FHDC1: variants seen among roughly 807,000 people sequenced by gnomAD.
FHDC1 encodes FH2 domain-containing protein 1.
A neutral mutation model predicts 52.6 loss-of-function variants in FHDC1; 25 were observed. The ratio of observed to expected loss-of-function variants is 0.48; its 90% CI spans 0.35 to 0.66. FHDC1 has a LOEUF of 0.66. Among genes scored for constraint, FHDC1 ranks in the 30% least tolerant of loss-of-function variants. The pLI, the probability that FHDC1 is intolerant of heterozygous loss-of-function variation, is 0.01. For synonymous variants in FHDC1, 616 were observed against 581.5 expected, an observed-to-expected ratio of 1.06 and a Z score of -0.85; for missense variants, 1,459 against 1,452.8, an observed-to-expected ratio of 1.00 and a Z score of -0.07.
rs1353921917 is a variant in FHDC1, at chr4:152,976,034, G to T, written c.2743G>T (p.Ala915Ser). 26 of 1,564,862 alleles carry T rather than the reference G, an allele frequency of 1.7e-5. No homozygotes were observed. In the East Asian group the frequency reaches 2.5e-4, roughly 15 times the overall value. ...VMPITKSSRG[A>S]GWRRPELSSR... ...GCCCATCACCAAGTCCAGCAGAGGCGCCGGCTGGAGGCGACCAGAGCTGTC... is the reference window on the plus strand; with the variant it reads ...GCCCATCACCAAGTCCAGCAGAGGCTCCGGCTGGAGGCGACCAGAGCTGTC... Residue 915 changes from alanine to serine, a missense_variant, in exon 12 of 12, where the codon GCC becomes TCC. Around this residue, in one of 3 missense-constraint regions of FHDC1, gnomAD observed 939 missense variants for 854.5 expected, o/e 1.10. Coordinates refer to ENST00000511601, the MANE Select transcript of FHDC1 (RefSeq NM_001371116.1).
In FHDC1 at chr4:152,977,643, G is replaced by A. The variant is rs1740940312; in HGVS notation, c.*920G>A. The A allele has an allele frequency of 6.6e-6, 1 of 151,596 alleles. No individual in the cohort carries two copies. Among genetic ancestry groups the A allele is most frequent in the Non-Finnish European group, 1.5e-5 (1 of 67,944 alleles). 9.4% of individuals were successfully genotyped at this position (151,596 alleles called of 1,614,324 possible). ...TTTTAATTTATCTTTTGTAGAGATG[G>A]GATCTCACTATGTTGCTCAGGCTGA... On this transcript the variant is annotated 3_prime_UTR_variant, in exon 12 of 12. Coordinates refer to ENST00000511601, the MANE Select transcript of FHDC1 (RefSeq NM_001371116.1).
At chr4:152,961,779 G>T (rs1231763375) in intron 6 of FHDC1, among the ~76,000 whole-genome samples, 3 of 152,174 alleles carry the variant, frequency 2.0e-5, no homozygotes, top group African/African-American at 7.2e-5. Flanking sequence ...CTTCATTTTA[G>T]AGAGGAGACT....
chr4:152,954,509 G>A (rs751027641), intron 4 of FHDC1, among the ~76,000 whole-genome samples, 190 bp downstream of exon 4: 1 of 151,976 alleles, frequency 6.6e-6, no homozygotes, highest in Non-Finnish European at 1.5e-5. Context: ...CAACATGATG[G>A]AACTCTGTCT....
In FHDC1 at chr4:152,975,932, C is replaced by G; in HGVS notation, c.2641C>G (p.Arg881Gly). 6.6e-7 allele frequency: 1 copy of G among 1,513,916 alleles called. No individual in the cohort carries two copies. The highest frequency in any genetic ancestry group is 8.8e-7 in the Non-Finnish European group (1 of 1,133,454). The allele number at this position is 1,513,916 out of a possible 1,614,324, so 93.8% of individuals were successfully genotyped here. A position where few individuals can be genotyped will look rare whatever the true frequency, so the allele number is the denominator to read the frequency against. The change falls in exon 12 of 12, where the codon CGG becomes GGG. Residue 881 changes from arginine to glycine, a missense_variant. By Grantham distance (125) the Arg-to-Gly change is moderately radical. This residue lies in a region of FHDC1 where 939 missense variants were observed against 854.5 expected (regional missense o/e 1.10). Coordinates refer to ENST00000511601, the MANE Select transcript of FHDC1 (RefSeq NM_001371116.1). ...CGGGGCCTCCAAGCCCGGGAGCGCC[C>G]GGCGGAGCCAGGGGGCAGTGGCCAA... Reference protein sequence around the residue: ...SPGASKPGSARRSQGAVAKSV... With the variant: ...SPGASKPGSAGRSQGAVAKSV...
At position 152,936,949 on chromosome 4, in the gene FHDC1, G is replaced by T. The variant is rs558306752; in HGVS notation, c.-131+540G>T. 2.0e-5 allele frequency among the ~76,000 whole-genome samples: 3 copies of T among 152,376 alleles called. No homozygotes were observed. In the South Asian group the frequency reaches 6.2e-4, roughly 32 times the overall value. ...TGGCGGGGACCTAGTGCGGTGGTGC[G>T]GACCGAGGACCAGGCGCTTCTCGCC... On this transcript the variant is annotated intron_variant, in intron 1 of 11. Transcript: ENST00000511601.
chr4:152,935,948 G>A (rs1739354575), upstream of FHDC1, among the ~76,000 whole-genome samples: 1 of 152,172 alleles, frequency 6.6e-6, no homozygotes, highest in African/African-American at 2.4e-5. Context: ...TGCAGGTTCA[G>A]AAGCCAGCTT....
chr4:152,969,086 TAA>T (rs72178531), intron 10 of FHDC1, among the ~76,000 whole-genome samples: 28 of 137,012 alleles, frequency 2.0e-4, no homozygotes, highest in African/African-American at 2.6e-4. Context: ...TCTTCCTTAT[TAA>T]AAAAAAAAAA....
chr4:152,952,333 A>T (rs1473931315), intron 2 of FHDC1, among the ~76,000 whole-genome samples: 2 of 152,072 alleles, frequency 1.3e-5, no homozygotes, highest in Non-Finnish European at 2.9e-5. Context: ...ATCTCACGCG[A>T]TTCTTGTTAG....
chr4:152,976,565 G>T lies in FHDC1; in HGVS notation c.3274G>T (p.Ala1092Ser), dbSNP rs983985680. 26 of 1,612,740 alleles carry T rather than the reference G, an allele frequency of 1.6e-5. No individual in the cohort carries two copies. The highest frequency in any genetic ancestry group is 2.0e-5 in the Non-Finnish European group (24 of 1,179,660). ...CAGCACTTTGAGGCGAGCCAGCAGT[G>T]CCCGGGCCCCCAAGAAGCGCCCAGA... ...DSSTLRRASS[A>S]RAPKKRPESA... Residue 1092 changes from alanine (A) to serine (S), a missense_variant, in exon 12 of 12, where the codon GCC becomes TCC. Ala to Ser is a moderately conservative substitution (Grantham distance 99, BLOSUM62 1). Around this residue, in one of 3 missense-constraint regions of FHDC1, gnomAD observed 939 missense variants for 854.5 expected, o/e 1.10. Transcript: ENST00000511601.
chr4:152,978,389 A>T lies in FHDC1; in HGVS notation c.*1666A>T, dbSNP rs997738993. Reference sequence around the variant, plus strand: ...CTCTTAATAATAGTTTTTAACGTGGACATCTCTTCCTTGGTACAGTGGTTT... The same window carrying T: ...CTCTTAATAATAGTTTTTAACGTGGTCATCTCTTCCTTGGTACAGTGGTTT... On this transcript the variant is annotated 3_prime_UTR_variant, in exon 12 of 12. Coordinates refer to ENST00000511601, the MANE Select transcript of FHDC1 (RefSeq NM_001371116.1). 1.3e-5 allele frequency: 2 copies of T among 152,154 alleles called. No homozygotes were observed. Among genetic ancestry groups the T allele is most frequent in the Non-Finnish European group, 2.9e-5 (2 of 68,032 alleles). 9.4% of individuals were successfully genotyped at this position (152,154 alleles called of 1,614,324 possible).
chr4:152,919,977 T>C, the FHDC1 span, among the ~76,000 whole-genome samples: 1 of 134,574 alleles, frequency 7.4e-6, no homozygotes, highest in Non-Finnish European at 1.6e-5. Context: ...TTTTGGAGAC[T>C]CTCTGTGTTG....
chr4:152,954,849 T>G (rs1168535076), intron 4 of FHDC1, among the ~76,000 whole-genome samples: 1 of 152,170 alleles, frequency 6.6e-6, no homozygotes, highest in Non-Finnish European at 1.5e-5. Flanking sequence ...AGCTATTCCC[T>G]TAACTGAGAA....
At chr4:152,953,318 A>G (rs1035907773) in intron 2 of FHDC1, among the ~76,000 whole-genome samples, 181 bp from the exon 3 acceptor site, 1 of 152,190 alleles carries the variant, frequency 6.6e-6, no homozygotes, top group Non-Finnish European at 1.5e-5. Context: ...GTTTGGGGAG[A>G]TGATAATCTT....
chr4:152,979,073 T>C lies in FHDC1; in HGVS notation c.*2350T>C, dbSNP rs1579112101. ...GGTGGAAAATGGATGCAAGTGATTCTAAGTTTGTGGATTTGTGGATAGCAG... is the reference window on the plus strand; with the variant it reads ...GGTGGAAAATGGATGCAAGTGATTCCAAGTTTGTGGATTTGTGGATAGCAG... On this transcript the variant is annotated 3_prime_UTR_variant, in exon 12 of 12. Transcript: ENST00000511601. 6.6e-6 allele frequency: 1 copy of C among 152,250 alleles called. No homozygotes were observed. Among genetic ancestry groups the C allele is most frequent in the East Asian group, 1.9e-4 (1 of 5,198 alleles). 9.4% of individuals were successfully genotyped at this position (152,250 alleles called of 1,614,324 possible).
intron 10 of FHDC1, among the ~76,000 whole-genome samples, chr4:152,968,752 A>T (rs891270369): frequency 6.6e-6 from 1 of 152,250 alleles, no homozygotes; most frequent in African/African-American, 2.4e-5. Flanking sequence ...CACTTGGGCT[A>T]TACCTGGCAA....
chr4:152,965,053 C>A, intron 9 of FHDC1, 78 bp downstream of exon 9: 1 of 1,364,528 alleles, frequency 7.3e-7, no homozygotes, highest in Non-Finnish European at 1.0e-6. Flanking sequence ...CTTTTAGATT[C>A]CAGTTTGAAG....
chr4:152,921,233 TAAG>T, the FHDC1 span, among the ~76,000 whole-genome samples: 1 of 150,282 alleles, frequency 6.7e-6, no homozygotes, highest in Non-Finnish European at 1.5e-5. Context: ...TTCCTTTAAA[TAAG>T]AACACATTTC....
chr4:152,916,773 A>G, the FHDC1 span, among the ~76,000 whole-genome samples: 1 of 152,214 alleles, frequency 6.6e-6, no homozygotes, highest in African/African-American at 2.4e-5. Flanking sequence ...TCAAGTAAGC[A>G]TAAAGTTGAG....
chr4:152,927,548 G>T, the FHDC1 span: 1 of 1,495,746 alleles, frequency 6.7e-7, no homozygotes. Context: ...ATGGGAGAAA[G>T]TTCGAAAACC....
Sources: gnomAD v4.1 joint callset for allele counts (sites outside exome capture counted in the v4.1 genomes callset) on GRCh38, gnomAD v4.1.1 for gene constraint, gnomAD v4.1.1 regional missense constraint, MANE v1.5 for transcripts, NCBI Gene and HGNC (gene_info 2026-07-23, HGNC 2026-07-21) for gene names.